DNAAF11: variants seen among roughly 807,000 people sequenced by gnomAD.
The protein encoded by DNAAF11 is leucine rich repeat containing 6.
In DNAAF11, 45 loss-of-function variants were observed where a neutral mutation model predicts 60.8. The ratio of observed to expected loss-of-function variants is 0.74; its 90% CI spans 0.58 to 0.95. DNAAF11 has a LOEUF of 0.95. Among genes scored for constraint, DNAAF11 ranks in the 40% least tolerant of loss-of-function variants. DNAAF11 has a pLI of 0.00. For missense variants in DNAAF11, 546 were observed against 546.2 expected, an observed-to-expected ratio of 1.00 and a Z score of 0.00; for synonymous variants, 191 against 183.5, an observed-to-expected ratio of 1.04 and a Z score of -0.33.
intron 10 of DNAAF11, among the ~76,000 whole-genome samples, chr8:132,586,134 G>A (rs1038508062): frequency 6.6e-6 from 1 of 152,184 alleles, no homozygotes; most frequent in African/African-American, 2.4e-5. Flanking sequence ...TTTAGAGAAG[G>A]AGAGAGAGAA....
chr8:132,605,830 G>A (rs1818071348), intron 10 of DNAAF11, among the ~76,000 whole-genome samples: 1 of 152,132 alleles, frequency 6.6e-6, no homozygotes, highest in South Asian at 2.1e-4. Flanking sequence ...AGAACAGCAA[G>A]TGCAAGAGTC....
At chr8:132,673,768 A>G (rs1825414188) in intron 1 of DNAAF11, among the ~76,000 whole-genome samples, 1 of 152,102 alleles carries the variant, frequency 6.6e-6, no homozygotes, top group African/African-American at 2.4e-5. Context: ...CCCTCAGGGC[A>G]CAGGCACCCC....
At chr8:132,578,269 T>A in intron 11 of DNAAF11, 1 of 502,364 alleles carries the variant, frequency 2.0e-6, no homozygotes, top group South Asian at 3.8e-5. Flanking sequence ...AATTCAGATG[T>A]TGTGAGGAAT....
intron 10 of DNAAF11, among the ~76,000 whole-genome samples, chr8:132,591,078 C>T (rs1816415209): frequency 6.6e-6 from 1 of 152,072 alleles, no homozygotes. Flanking sequence ...ATATATGTAA[C>T]TATTTTGTTA....
chr8:132,631,654 G>A (rs1329000023), intron 5 of DNAAF11, among the ~76,000 whole-genome samples: 1 of 152,190 alleles, frequency 6.6e-6, no homozygotes, highest in Non-Finnish European at 1.5e-5. Context: ...CCACTGGGAT[G>A]AAGAGAGGCA....
intron 10 of DNAAF11, among the ~76,000 whole-genome samples, chr8:132,585,591 G>C (rs1468395421): frequency 6.6e-6 from 1 of 152,176 alleles, no homozygotes; most frequent in East Asian, 1.9e-4. Context: ...GGCTAGAAGG[G>C]TTTGTTCAGA....
At position 132,579,721 on chromosome 8, in the gene DNAAF11, G is replaced by A. The variant is rs75517664; in HGVS notation, c.1226+3973C>T. The stretch of plus-strand genomic sequence containing the variant: ...TAAAAAATAGACAACTAGGCCAGGC[G>A]TAGTGTCTCGTGCCTGTAATCCCAA... On this transcript the variant is annotated intron_variant, in intron 11 of 11. Coordinates refer to ENST00000620350, the MANE Select transcript of DNAAF11 (RefSeq NM_012472.6). Among the ~76,000 whole-genome samples the A allele has an allele frequency of 4.9e-3, 747 of 152,250 alleles. 11 individuals carry two copies. Among genetic ancestry groups the A allele is most frequent in the African/African-American group, 0.017 (712 of 41,566 alleles).
intron 1 of DNAAF11, among the ~76,000 whole-genome samples, chr8:132,663,875 G>T (rs1404757798): frequency 3.9e-5 from 6 of 152,210 alleles, no homozygotes; most frequent in African/African-American, 1.4e-4. Context: ...TCAGCTGTTT[G>T]TCAGGGAGGT....
intron 10 of DNAAF11, among the ~76,000 whole-genome samples, chr8:132,604,800 T>C (rs1176522034): frequency 6.6e-6 from 1 of 152,128 alleles, no homozygotes; most frequent in Non-Finnish European, 1.5e-5. Context: ...ATATAATATC[T>C]ATAAATAAAC....
At position 132,624,411 on chromosome 8, in the gene DNAAF11, G is replaced by C. The variant is rs189651299; in HGVS notation, c.836+861C>G. Among the ~76,000 whole-genome samples, 341 of 152,288 alleles carry C rather than the reference G, an allele frequency of 2.2e-3. 4 individuals carry two copies. Among genetic ancestry groups the C allele is most frequent in the Admixed American group, 3.9e-3 (60 of 15,296 alleles). On this transcript the variant is annotated intron_variant, in intron 6 of 11. Coordinates refer to ENST00000620350, the MANE Select transcript of DNAAF11 (RefSeq NM_012472.6). Reference sequence around the variant, plus strand: ...AATGCTCTTCCCAAAGGACTGTGTAGTCCCTTAGTGTGCAAATCACCCACG... The same window carrying C: ...AATGCTCTTCCCAAAGGACTGTGTACTCCCTTAGTGTGCAAATCACCCACG...
At position 132,612,133 on chromosome 8, in the gene DNAAF11, T is replaced by C. The variant is rs146579740; in HGVS notation, c.975-770A>G. Among the ~76,000 whole-genome samples, 628 of 152,276 alleles carry C rather than the reference T, an allele frequency of 4.1e-3. 2 individuals are homozygous for C. Among genetic ancestry groups the C allele is most frequent in the African/African-American group, 0.014 (594 of 41,562 alleles). On this transcript the variant is annotated intron_variant, in intron 8 of 11. Transcript: ENST00000620350. The stretch of plus-strand genomic sequence containing the variant: ...GTGGGGAACTGGCTCCATGCCTTCC[T>C]GCTTTATTACCTGGGACCACATTCC...
chr8:132,680,052 C>T (rs986072562), upstream of DNAAF11, among the ~76,000 whole-genome samples: 3 of 152,208 alleles, frequency 2.0e-5, no homozygotes, highest in Admixed American at 6.5e-5. Context: ...AACCCAACAT[C>T]ACAGTCACTG....
chr8:132,691,668 T>A, the DNAAF11 span, among the ~76,000 whole-genome samples: 10 of 152,246 alleles, frequency 6.6e-5, no homozygotes, highest in East Asian at 7.7e-4. Flanking sequence ...GACTTTTTTT[T>A]AAATAAACTA....
chr8:132,656,289 C>A (rs1823564886), intron 3 of DNAAF11, among the ~76,000 whole-genome samples: 1 of 152,090 alleles, frequency 6.6e-6, no homozygotes, highest in Non-Finnish European at 1.5e-5. Context: ...TTGTATATAC[C>A]CAAGTGTTAA....
chr8:132,651,703 AC>A (rs2130729370), intron 3 of DNAAF11, among the ~76,000 whole-genome samples: 1 of 152,354 alleles, frequency 6.6e-6, no homozygotes, highest in Non-Finnish European at 1.5e-5. Flanking sequence ...TACTTACTTC[AC>A]AAAATTAACA....
At chr8:132,607,318 C>T (rs1308642165) in intron 10 of DNAAF11, among the ~76,000 whole-genome samples, 1 of 152,156 alleles carries the variant, frequency 6.6e-6, no homozygotes, top group East Asian at 1.9e-4. Flanking sequence ...TGGCTGTATA[C>T]TAGGGACCGT....
At chr8:132,664,905 G>GA (rs1824481091) in intron 1 of DNAAF11, among the ~76,000 whole-genome samples, 1 of 152,142 alleles carries the variant, frequency 6.6e-6, no homozygotes, top group African/African-American at 2.4e-5. Flanking sequence ...ATTAAGATGA[G>GA]AAAAATCCCT....
chr8:132,583,855 T>A (rs998286574), intron 10 of DNAAF11, 76 bp from the exon 11 acceptor site: 6 of 956,292 alleles, frequency 6.3e-6, no homozygotes, highest in Non-Finnish European at 9.9e-6. Context: ...ATATATGTAT[T>A]TTAAAAGATA....
intron 3 of DNAAF11, among the ~76,000 whole-genome samples, chr8:132,646,758 TA>T (rs1822437108): frequency 6.6e-6 from 1 of 152,176 alleles, no homozygotes; most frequent in Non-Finnish European, 1.5e-5. Flanking sequence ...GGCCATTACA[TA>T]ATGGTAAAGG....
Sources: allele counts gnomAD v4.1 joint callset (sites outside exome capture counted in the v4.1 genomes callset), GRCh38; gene constraint gnomAD v4.1.1; transcripts MANE v1.5; gene names NCBI Gene and HGNC (gene_info 2026-07-23, HGNC 2026-07-21).